The following APC variants were observed in gnomAD, a reference collection of about 807,000 sequenced individuals.
APC encodes adenomatous polyposis coli protein.
A neutral mutation model predicts 247.0 loss-of-function variants in APC; 72 were observed. The ratio of observed to expected loss-of-function variants is 0.29; its 90% confidence interval spans 0.24 to 0.35. The LOEUF (loss-of-function observed/expected upper bound fraction) is 0.35, where lower values mean the gene tolerates loss of function less well. APC is among the 10% of genes least tolerant of loss of function. APC has a pLI of 1.00. For missense variants in APC, 3,400 were observed against 3,360.7 expected (o/e 1.01, Z -0.29); for synonymous variants, 1,254 against 1,162.5 (o/e 1.08, Z -1.60).
At chr5:112,812,521 T>C (rs1413752730) in intron 8 of APC, among the ~76,000 whole-genome samples, 1 of 152,196 alleles carries the variant, frequency 6.6e-6, no homozygotes, top group Non-Finnish European at 1.5e-5. Context: ...CATATTCTTC[T>C]GACCCTTGCT....
rs1580686729 is a variant in APC at position 112,843,392 on chromosome 5, CAAAGT to C, written c.7803_7807del (p.Ser2601ArgfsTer17). On this transcript the variant is annotated frameshift_variant, in exon 16 of 16. Coordinates refer to ENST00000257430, the MANE Select transcript of APC (RefSeq NM_000038.6). LOFTEE classifies it high-confidence loss of function. This position sits in a 1 kb window ranked among gnomAD's most constrained non-coding sequence, Gnocchi z 4.8. ...TGTGAACTCTATTTCAGGAACCAAA[CAAAGT>C]AAAGAAAACCAAGTATCCGCAAAAG... 1.2e-6 allele frequency: 2 copies of C among 1,613,292 alleles called. No individual in the cohort carries two copies. Among genetic ancestry groups the C allele is most frequent in the Non-Finnish European group, 1.7e-6 (2 of 1,179,564 alleles).
At chr5:112,737,776 T>C (rs1752493144), upstream of APC, 1 of 921,628 alleles carries the variant, frequency 1.1e-6, no homozygotes, top group Non-Finnish European at 1.3e-6. Flanking sequence ...TGTAATCCGC[T>C]GGATGCGGAC....
Position 112,839,062 on chromosome 5 carries a change from A to G in APC, c.3468A>G (p.Glu1156=), listed in dbSNP as rs878853440. The G allele has an allele frequency of 2.5e-6, 4 of 1,614,032 alleles. No individual in the cohort carries two copies. Among genetic ancestry groups the G allele is most frequent in the Non-Finnish European group, 3.4e-6 (4 of 1,180,018 alleles). ...RYSEEEQHEE[E]ERPTNYSIKY... is the part of the protein sequence containing the mutation. ...CTGAAGAAGAACAGCATGAAGAAGA[A>G]GAGAGACCAACAAATTATAGCATAA... Residue 1156 remains glutamate, a synonymous_variant, in exon 16 of 16, where the codon GAA becomes GAG. Coordinates refer to ENST00000257430, the MANE Select transcript of APC (RefSeq NM_000038.6). This position sits in a 1 kb window ranked among gnomAD's most constrained non-coding sequence, Gnocchi z 5.0.
chr5:112,801,372 G>A lies in APC; in HGVS notation c.823G>A (p.Gly275Ser), dbSNP rs2149712457. The A allele has an allele frequency of 6.2e-7, 1 of 1,606,484 alleles. No homozygotes were observed. The highest frequency in any genetic ancestry group is 8.5e-7 in the Non-Finnish European group (1 of 1,174,212). The change falls in exon 8 of 16, where the codon GGT becomes AGT. Residue 275 changes from glycine (G) to serine (S), a missense_variant. By Grantham distance (56) the Gly-to-Ser change is moderately conservative. Coordinates refer to ENST00000257430, the MANE Select transcript of APC (RefSeq NM_000038.6). ...GVGEINMATS[G>S]NGQGSTTRMD... The stretch of plus-strand genomic sequence containing the variant: ...GGGAGAAATCAACATGGCAACTTCT[G>A]GTAATGGTCAGGTAAATAAATTATT...
intron 7 of APC, among the ~76,000 whole-genome samples, chr5:112,798,061 T>C (rs796922136): frequency 2.0e-5 from 3 of 152,296 alleles, no homozygotes; most frequent in African/African-American, 7.2e-5. Flanking sequence ...TCAGCAATCT[T>C]ACTCCTAGGT....
intron 1 of APC, among the ~76,000 whole-genome samples, chr5:112,727,844 A>G (rs1341364999): frequency 6.6e-6 from 1 of 152,120 alleles, no homozygotes; most frequent in Non-Finnish European, 1.5e-5. Flanking sequence ...GGGCGGTCTT[A>G]TAGCTGTTTT....
intron 1 of APC, among the ~76,000 whole-genome samples, chr5:112,722,280 CTG>C (rs1415813529): frequency 6.6e-6 from 1 of 152,192 alleles, no homozygotes; most frequent in Non-Finnish European, 1.5e-5. Context: ...ATTTTAAACA[CTG>C]TGTGTTTCAG....
chr5:112,729,998 C>T (rs975494110), intron 1 of APC, among the ~76,000 whole-genome samples: 3 of 152,116 alleles, frequency 2.0e-5, no homozygotes, highest in African/African-American at 7.2e-5. Flanking sequence ...AATGCCCATA[C>T]GATAACCCCA....
In APC at chr5:112,839,210, A is replaced by C. The variant is rs901866497; in HGVS notation, c.3616A>C (p.Ser1206Arg). ...CTCAAAGAGTTCATCTGGACAAAGC[A>C]GTAAAACCGAACATATGTCTTCAAG... is the stretch of plus-strand genomic sequence containing the variant. ...SFSKSSSGQS[S>R]KTEHMSSSSE... The change falls in exon 16 of 16, where the codon AGT becomes CGT. Residue 1206 changes from serine to arginine, a missense_variant. Transcript: ENST00000257430. This position sits in a 1 kb window ranked among gnomAD's most constrained non-coding sequence, Gnocchi z 5.0. 1 of 1,614,094 alleles carries C rather than the reference A, an allele frequency of 6.2e-7. No homozygotes were observed. Among genetic ancestry groups the C allele is most frequent in the African/African-American group, 1.3e-5 (1 of 74,950 alleles).
At chr5:112,742,162 A>G (rs1697154730) in intron 1 of APC, among the ~76,000 whole-genome samples, 1 of 152,110 alleles carries the variant, frequency 6.6e-6, no homozygotes, top group Non-Finnish European at 1.5e-5. Flanking sequence ...TAATTTTTGA[A>G]CATTATTAAC....
intron 15 of APC, among the ~76,000 whole-genome samples, chr5:112,836,165 T>TCCCCC (rs59050067): frequency 8.2e-5 from 2 of 24,492 alleles, no homozygotes; most frequent in Non-Finnish European, 1.7e-4. Flanking sequence ...GGATTACAGG[T>TCCCCC]CCCCCCCCCC....
intron 15 of APC, among the ~76,000 whole-genome samples, chr5:112,837,029 T>C (rs919294957): frequency 2.6e-4 from 39 of 152,130 alleles, no homozygotes; most frequent in Admixed American, 1.3e-4. Flanking sequence ...GATGGCAGTA[T>C]CACAAAATCA....
At position 112,827,147 on chromosome 5, in the gene APC, G is replaced by A. The variant is rs1763767675; in HGVS notation, c.1448G>A (p.Cys483Tyr). The stretch of plus-strand genomic sequence containing the variant: ...ATTGCAGAATTATTGCAAGTGGACT[G>A]TGAAATGTATGGGCTTACTAATGAC... Reference protein sequence around the residue: ...QAIAELLQVDCEMYGLTNDHY... With the variant: ...QAIAELLQVDYEMYGLTNDHY... The change falls in exon 12 of 16, where the codon TGT (cysteine) becomes TAT (tyrosine). Residue 483 changes from cysteine to tyrosine, a missense_variant. This residue lies in a region of APC where 199 missense variants were observed against 212.5 expected (regional missense o/e 0.94). Transcript: ENST00000257430. 1 of 1,613,712 alleles carries A rather than the reference G, an allele frequency of 6.2e-7. No homozygotes were observed. Among genetic ancestry groups the A allele is most frequent in the Non-Finnish European group, 8.5e-7 (1 of 1,179,798 alleles).
chr5:112,709,602 T>A (rs1376225198), intron 1 of APC, among the ~76,000 whole-genome samples: 1 of 152,154 alleles, frequency 6.6e-6, no homozygotes, highest in Non-Finnish European at 1.5e-5. Flanking sequence ...ACAAACTCTT[T>A]AAAACCTCTC....
intron 1 of APC, among the ~76,000 whole-genome samples, chr5:112,726,122 C>G (rs1751763375): frequency 6.6e-6 from 1 of 152,192 alleles, no homozygotes; most frequent in South Asian, 2.1e-4. Flanking sequence ...CTGGCAGCAT[C>G]CAGGGGTGGG....
At chr5:112,795,264 G>A (rs915945662) in intron 7 of APC, among the ~76,000 whole-genome samples, 13 of 152,180 alleles carry the variant, frequency 8.5e-5, no homozygotes, top group African/African-American at 3.1e-4. Context: ...CTGACCTCAT[G>A]ATCTGCCCGC....
intron 6 of APC, among the ~76,000 whole-genome samples, chr5:112,782,880 C>T (rs971927971): frequency 6.6e-6 from 1 of 152,018 alleles, no homozygotes; most frequent in African/African-American, 2.4e-5. Context: ...TGGCAAAGAA[C>T]TAAAATCAAG....
At chr5:112,784,107 A>G (rs1456379860) in intron 6 of APC, among the ~76,000 whole-genome samples, 1 of 152,122 alleles carries the variant, frequency 6.6e-6, no homozygotes. Flanking sequence ...TTGCTCTGTC[A>G]CACAGGCTGG....
At chr5:112,807,420 A>G (rs983558304) in intron 8 of APC, among the ~76,000 whole-genome samples, 2 of 152,104 alleles carry the variant, frequency 1.3e-5, no homozygotes, top group African/African-American at 4.8e-5. Context: ...TATATAAACA[A>G]TATTTTTATA....
Sources: allele counts gnomAD v4.1 joint callset (sites outside exome capture counted in the v4.1 genomes callset), GRCh38; gene constraint gnomAD v4.1.1; regional missense constraint gnomAD v4.1.1; non-coding constraint Gnocchi (gnomAD v3.1); transcripts MANE v1.5; gene names NCBI Gene and HGNC (gene_info 2026-07-23, HGNC 2026-07-21).